SV2B: variants seen among roughly 807,000 people sequenced by gnomAD.
SV2B encodes synaptic vesicle glycoprotein 2B, also known as solute carrier family 22 member B2.
In SV2B, 41 loss-of-function variants were observed where a neutral mutation model predicts 73.9. That is an observed-to-expected ratio of 0.56 (90% CI 0.43 to 0.72). The LOEUF is 0.72. Ranked by LOEUF, SV2B falls within the 30% of genes least tolerant of loss-of-function variation. The pLI, the probability that SV2B is intolerant of heterozygous loss-of-function variation, is 0.00. For synonymous variants in SV2B, 314 were observed against 314.2 expected, an observed-to-expected ratio of 1.00 and a Z score of 0.01; for missense variants, 764 against 857.8, an observed-to-expected ratio of 0.89 and a Z score of 1.37.
intron 1 of SV2B, among the ~76,000 whole-genome samples, chr15:91,154,897 G>C (rs560531543): frequency 6.6e-6 from 1 of 152,256 alleles, no homozygotes; most frequent in African/African-American, 2.4e-5. Context: ...GTACCCAAGA[G>C]CATGGTTCCT....
At chr15:91,221,414 A>G (rs1398966782) in intron 1 of SV2B, among the ~76,000 whole-genome samples, 1 of 152,196 alleles carries the variant, frequency 6.6e-6, no homozygotes, top group Non-Finnish European at 1.5e-5. Flanking sequence ...ACTGTTGTAC[A>G]TCCCATAATC....
intron 1 of SV2B, among the ~76,000 whole-genome samples, chr15:91,172,270 C>T (rs538172963): frequency 6.6e-5 from 10 of 152,314 alleles, no homozygotes; most frequent in African/African-American, 2.2e-4. Flanking sequence ...TGCTTATAAG[C>T]TGAAACATTT....
chr15:91,290,939 G>A lies in SV2B; in HGVS notation c.1868+1259G>A, dbSNP rs922431982. On this transcript the variant is annotated intron_variant, in intron 12 of 12. Coordinates refer to ENST00000394232, the MANE Select transcript of SV2B (RefSeq NM_001323032.3). This position sits in a 1 kb window ranked among gnomAD's most constrained non-coding sequence, Gnocchi z 4.7. ...TGAGGGGGAGAGCTGCGAGAGCCCCGGGGTTTCAGGGTTACAGTGAGCTAG... is the reference window on the plus strand; with the variant it reads ...TGAGGGGGAGAGCTGCGAGAGCCCCAGGGTTTCAGGGTTACAGTGAGCTAG... Among the ~76,000 whole-genome samples the A allele has an allele frequency of 2.6e-5, 4 of 151,790 alleles. No individual in the cohort carries two copies. Among genetic ancestry groups the A allele is most frequent in the South Asian group, 2.1e-4 (1 of 4,804 alleles).
At chr15:91,117,356 A>G (rs1241747596) in intron 1 of SV2B, among the ~76,000 whole-genome samples, 2 of 152,268 alleles carry the variant, frequency 1.3e-5, no homozygotes, top group Non-Finnish European at 2.9e-5. Flanking sequence ...TGCTCAGCAC[A>G]ATGTTGGACA....
In SV2B at chr15:91,110,375, CT is replaced by C. The variant is rs1487950316; in HGVS notation, c.-392+10013del. ...CTACACTGTCATGCTTAGAAACCCT[CT>C]GAAATGGCACAACTAGTTCTCCCAA... On this transcript the variant is annotated intron_variant, in intron 1 of 12. Transcript: ENST00000394232. The surrounding 1 kb of genome is among the most constrained non-coding windows in gnomAD (Gnocchi z 5.4). Among the ~76,000 whole-genome samples, 1 of 152,284 alleles carries C rather than the reference CT, an allele frequency of 6.6e-6. No homozygotes were observed. Among genetic ancestry groups the C allele is most frequent in the South Asian group, 2.1e-4 (1 of 4,824 alleles).
rs571530768 is a variant in SV2B at position 91,121,246 on chromosome 15, C to T, written c.-392+20883C>T. 1.5e-3 allele frequency among the ~76,000 whole-genome samples: 223 copies of T among 152,206 alleles called. No individual in the cohort carries two copies. Among genetic ancestry groups the T allele is most frequent in the Middle Eastern group, 6.8e-3 (2 of 294 alleles). On this transcript the variant is annotated intron_variant, in intron 1 of 12. Coordinates refer to ENST00000394232, the MANE Select transcript of SV2B (RefSeq NM_001323032.3). This position sits in a 1 kb window ranked among gnomAD's most constrained non-coding sequence, Gnocchi z 4.4. ...TTCTTCACCTCAGGCGAGTTTTTAT[C>T]TAGTGCTGTGGTTCTCAATCCTGGC...
At position 91,226,322 on chromosome 15, in the gene SV2B, A is replaced by G; in HGVS notation, c.59A>G (p.Tyr20Cys). ...YGGYAPSDGYYRGNESNPEED... is the reference protein window; with the variant it reads ...YGGYAPSDGYCRGNESNPEED... The stretch of plus-strand genomic sequence containing the variant: ...GGCTATGCTCCCAGTGATGGCTATT[A>G]CCGCGGCAATGAGTCCAACCCAGAA... Residue 20 changes from tyrosine (Y) to cysteine (C), a missense_variant, in exon 2 of 13, where the codon TAC becomes TGC. By Grantham distance (194) the Tyr-to-Cys change is radical (BLOSUM62 -2). Transcript: ENST00000394232. 1 of 1,613,968 alleles carries G rather than the reference A, an allele frequency of 6.2e-7. No individual in the cohort carries two copies. Among genetic ancestry groups the G allele is most frequent in the South Asian group, 1.1e-5 (1 of 91,074 alleles).
chr15:91,182,679 C>A (rs2044626547), intron 1 of SV2B, among the ~76,000 whole-genome samples: 1 of 152,214 alleles, frequency 6.6e-6, no homozygotes, highest in Non-Finnish European at 1.5e-5. Context: ...CTGGAAGAAA[C>A]TATTCCAAGA....
chr15:91,161,198 CA>C (rs2043703139), intron 1 of SV2B, among the ~76,000 whole-genome samples: 1 of 152,060 alleles, frequency 6.6e-6, no homozygotes, highest in Admixed American at 6.6e-5. Context: ...GGGGGTGATG[CA>C]AGTGTTCTAA....
rs538210302 is a variant in SV2B at position 91,185,380 on chromosome 15, A to G, written c.-391-40493A>G. On this transcript the variant is annotated intron_variant, in intron 1 of 12. Transcript: ENST00000394232. ...TTTTGCATGTAGTTATTTTGACATG[A>G]TATGGATGACATTTTCCTTCCTTCC... Among the ~76,000 whole-genome samples, 5 of 152,350 alleles carry G rather than the reference A, an allele frequency of 3.3e-5. No individual in the cohort carries two copies. In the South Asian group the frequency reaches 1.0e-3, roughly 32 times the overall value.
At chr15:91,196,902 A>G (rs1391249725) in intron 1 of SV2B, among the ~76,000 whole-genome samples, 2 of 152,290 alleles carry the variant, frequency 1.3e-5, no homozygotes, top group East Asian at 3.9e-4. Flanking sequence ...GCAGGTGATA[A>G]TCATGATGGC....
In SV2B at chr15:91,220,236, T is replaced by A. The variant is rs1490175372; in HGVS notation, c.-391-5637T>A. ...CATGCCCACTGTCAGTTTCTGAGGG[T>A]TCCAGTTCATCACATTCTAGCCAAC... On this transcript the variant is annotated intron_variant, in intron 1 of 12. Transcript: ENST00000394232. This position sits in a 1 kb window ranked among gnomAD's most constrained non-coding sequence, Gnocchi z 4.1. Among the ~76,000 whole-genome samples, 1 of 152,222 alleles carries A rather than the reference T, an allele frequency of 6.6e-6. No individual in the cohort carries two copies. Among genetic ancestry groups the A allele is most frequent in the East Asian group, 1.9e-4 (1 of 5,202 alleles).
At position 91,299,389 on chromosome 15, in the gene SV2B, GA is replaced by G. The variant is rs374682745; in HGVS notation, c.*6838del. 130 of 152,234 alleles carry G rather than the reference GA, an allele frequency of 8.5e-4. No homozygotes were observed. Among genetic ancestry groups the G allele is most frequent in the African/African-American group, 2.8e-3 (118 of 41,552 alleles). The allele number at this position is 152,234 out of a possible 1,614,324, so 9.4% of individuals were successfully genotyped here. A position where few individuals can be genotyped will look rare whatever the true frequency, so the allele number is the denominator to read the frequency against. ...ATACTTCTTTAAAAATGTATTTTAT[GA>G]TCTATTTATTGATATTCTAATGGTT... On this transcript the variant is annotated 3_prime_UTR_variant, in exon 13 of 13. Coordinates refer to ENST00000394232, the MANE Select transcript of SV2B (RefSeq NM_001323032.3).
intron 9 of SV2B, among the ~76,000 whole-genome samples, chr15:91,270,198 C>T (rs558017728): frequency 7.9e-5 from 12 of 152,228 alleles, no homozygotes; most frequent in Admixed American, 6.5e-5. Context: ...CTGAAGTTCC[C>T]AATGTTTAGT....
At chr15:91,204,556 C>CTTCT (rs1338769057) in intron 1 of SV2B, among the ~76,000 whole-genome samples, 11 of 127,824 alleles carry the variant, frequency 8.6e-5, no homozygotes, top group African/African-American at 2.6e-4. Flanking sequence ...TCTTCTTCTT[C>CTTCT]TTTTTTTTTT....
At chr15:91,271,069 G>GTCCTGTGGATGATGTTGTGGATGGTGAA (rs1377598139) in intron 9 of SV2B, among the ~76,000 whole-genome samples, 3,004 of 93,144 alleles carry the variant, frequency 0.032, 356 homozygotes, top group African/African-American at 0.13. Flanking sequence ...CAGACGGTAA[G>GTCCTGTGGATGATGTTGTGGATGGTGAA]TCCTGTGGAT....
chr15:91,146,274 T>A (rs2043144122), intron 1 of SV2B, among the ~76,000 whole-genome samples: 2 of 152,168 alleles, frequency 1.3e-5, no homozygotes, highest in South Asian at 4.1e-4. Flanking sequence ...TTGTTGAAGA[T>A]CAGATAGTTA....
intron 11 of SV2B, among the ~76,000 whole-genome samples, chr15:91,286,637 T>C (rs576228512): frequency 1.2e-4 from 18 of 152,286 alleles, no homozygotes; most frequent in Admixed American, 7.2e-4. Context: ...TATTATTGAA[T>C]ATTATGAATA....
At chr15:91,170,533 C>T (rs562724088) in intron 1 of SV2B, among the ~76,000 whole-genome samples, 25 of 152,298 alleles carry the variant, frequency 1.6e-4, no homozygotes, top group East Asian at 5.8e-4. Context: ...GGTGATCTGC[C>T]GCCTCAGCCT....
Sources: gnomAD v4.1 joint callset for allele counts (sites outside exome capture counted in the v4.1 genomes callset) on GRCh38, gnomAD v4.1.1 for gene constraint, Gnocchi (gnomAD v3.1) non-coding constraint, MANE v1.5 for transcripts, NCBI Gene and HGNC (gene_info 2026-07-23, HGNC 2026-07-21) for gene names.